RANBP2: variants seen among roughly 807,000 people sequenced by gnomAD.
RANBP2 encodes the protein E3 SUMO-protein ligase RanBP2.
In RANBP2, 57 loss-of-function variants were observed where a neutral mutation model predicts 303.6. That is an observed-to-expected ratio of 0.19 (90% CI 0.15 to 0.23). RANBP2 has a LOEUF of 0.23. RANBP2 is among the 10% of genes least tolerant of loss of function. The pLI, the probability that RANBP2 is intolerant of heterozygous loss-of-function variation, is 1.00. For synonymous variants in RANBP2, 1,167 were observed against 1,301.5 expected (o/e 0.90, Z 2.23); for missense variants, 3,138 against 3,780.8 (o/e 0.83, Z 4.46).
the RANBP2 span, among the ~76,000 whole-genome samples, chr2:109,710,198 G>A: frequency 1.3e-5 from 2 of 150,970 alleles, no homozygotes; most frequent in East Asian, 3.9e-4. Context: ...TCTGGCCAAC[G>A]CGGTGAAAAC....
At chr2:109,107,917 T>TA in the RANBP2 span, among the ~76,000 whole-genome samples, 217 of 149,618 alleles carry the variant, frequency 1.5e-3, no homozygotes, top group South Asian at 7.7e-3. Context: ...TGTATATATA[T>TA]TTTTTTGAGA....
chr2:109,425,736 C>A, the RANBP2 span, among the ~76,000 whole-genome samples: 2 of 152,040 alleles, frequency 1.3e-5, no homozygotes, highest in African/African-American at 4.8e-5. Context: ...CTGCTCATTG[C>A]CAGTGTACTT....
the RANBP2 span, among the ~76,000 whole-genome samples, chr2:109,057,968 A>G: frequency 6.6e-6 from 1 of 152,186 alleles, no homozygotes; most frequent in African/African-American, 2.4e-5. Context: ...CTTATGTGGC[A>G]AGGAGGGGCC....
chr2:109,066,405 C>T, the RANBP2 span, among the ~76,000 whole-genome samples: 4 of 152,148 alleles, frequency 2.6e-5, no homozygotes, highest in Admixed American at 6.5e-5. Flanking sequence ...CCGTGCTGGC[C>T]GTGGATTCTT....
At chr2:108,798,539 A>G in the RANBP2 span, 1 of 1,613,834 alleles carries the variant, frequency 6.2e-7, no homozygotes, top group Non-Finnish European at 8.5e-7. Flanking sequence ...GAGTAAAATT[A>G]AAGGTGTTGA....
chr2:108,751,803 CAT>C, intron 11 of RANBP2, 66 bp from the exon 12 acceptor site: 1 of 1,611,902 alleles, frequency 6.2e-7, no homozygotes, highest in East Asian at 2.2e-5. Context: ...GACCCATTAA[CAT>C]ATATGTATGT....
At chr2:109,089,858 T>C in the RANBP2 span, among the ~76,000 whole-genome samples, 1 of 152,180 alleles carries the variant, frequency 6.6e-6, no homozygotes. Context: ...CCAAAAGAAC[T>C]GTCTATGGGA....
the RANBP2 span, among the ~76,000 whole-genome samples, chr2:109,589,091 T>C: frequency 1.3e-5 from 2 of 152,026 alleles, no homozygotes; most frequent in African/African-American, 4.8e-5. Context: ...CACGCCTGGG[T>C]AATTTTTGTG....
At chr2:109,183,376 A>AC in the RANBP2 span, among the ~76,000 whole-genome samples, 1 of 152,102 alleles carries the variant, frequency 6.6e-6, no homozygotes, top group African/African-American at 2.4e-5. Flanking sequence ...AGAGATGGTG[A>AC]ACTCTCCCTT....
At chr2:109,361,162 C>T in the RANBP2 span, among the ~76,000 whole-genome samples, 1 of 152,252 alleles carries the variant, frequency 6.6e-6, no homozygotes, top group African/African-American at 2.4e-5. Context: ...GCCTTGCATA[C>T]CTGGGATAAA....
At chr2:109,420,378 T>C in the RANBP2 span, among the ~76,000 whole-genome samples, 1 of 152,174 alleles carries the variant, frequency 6.6e-6, no homozygotes, top group Non-Finnish European at 1.5e-5. Context: ...TGGGTAGACG[T>C]CAGAGGGACA....
At chr2:108,781,246 A>T in intron 25 of RANBP2, 23 bp from the exon 26 acceptor site, 3 of 1,613,282 alleles carry the variant, frequency 1.9e-6, no homozygotes, top group Non-Finnish European at 2.5e-6. Flanking sequence ...ACTAGTGTTT[A>T]AATATCCTGA....
chr2:109,736,191 C>CT, the RANBP2 span, among the ~76,000 whole-genome samples: 1 of 152,186 alleles, frequency 6.6e-6, no homozygotes, highest in Admixed American at 6.5e-5. Context: ...ACAATTGTAT[C>CT]TTTTTTCCCA....
chr2:109,324,129 A>G, the RANBP2 span, among the ~76,000 whole-genome samples: 5 of 152,208 alleles, frequency 3.3e-5, no homozygotes, highest in Non-Finnish European at 7.3e-5. Context: ...TGGTTGTAGC[A>G]TGTTTCACTA....
At chr2:108,789,725 T>TG (rs996637476), downstream of RANBP2, among the ~76,000 whole-genome samples, 1 of 152,192 alleles carries the variant, frequency 6.6e-6, no homozygotes, top group Non-Finnish European at 1.5e-5. Flanking sequence ...GAAGGTGGTC[T>TG]GGGGAGATGG....
the RANBP2 span, among the ~76,000 whole-genome samples, chr2:109,329,887 CA>C: frequency 6.6e-6 from 1 of 152,148 alleles, no homozygotes; most frequent in Admixed American, 6.5e-5. Flanking sequence ...GAATGGTTTC[CA>C]AAAGTCTCTC....
chr2:109,096,196 C>T, the RANBP2 span, among the ~76,000 whole-genome samples: 3 of 151,880 alleles, frequency 2.0e-5, no homozygotes, highest in Admixed American at 1.3e-4. Flanking sequence ...CCCTAAAGTC[C>T]AAAAAGACAT....
the RANBP2 span, among the ~76,000 whole-genome samples, chr2:109,653,568 G>C: frequency 2.0e-5 from 3 of 152,066 alleles, no homozygotes; most frequent in Non-Finnish European, 4.4e-5. Context: ...TGTCATTCTT[G>C]CAGGGCTGGC....
chr2:109,528,912 C>A, the RANBP2 span, among the ~76,000 whole-genome samples: 1 of 152,162 alleles, frequency 6.6e-6, no homozygotes, highest in African/African-American at 2.4e-5. Flanking sequence ...GAGGAGGACT[C>A]CACCAAGGAG....
Sources: gnomAD v4.1 joint callset for allele counts (sites outside exome capture counted in the v4.1 genomes callset) on GRCh38, gnomAD v4.1.1 for gene constraint, MANE v1.5 for transcripts, NCBI Gene and HGNC (gene_info 2026-07-23, HGNC 2026-07-21) for gene names.